The following TMEM132D variants were observed in gnomAD, a reference collection of about 807,000 sequenced individuals.
The protein encoded by TMEM132D is mature OL transmembrane protein.
A neutral mutation model predicts 62.3 loss-of-function variants in TMEM132D; 21 were observed. The ratio of observed to expected loss-of-function variants is 0.34; its 90% confidence interval spans 0.24 to 0.49. TMEM132D has a LOEUF of 0.49. Among genes scored for constraint, TMEM132D ranks in the 20% least tolerant of loss-of-function variants. TMEM132D has a pLI of 0.99. For synonymous variants in TMEM132D, 621 were observed against 575.6 expected (o/e 1.08, Z -1.13); for missense variants, 1,346 against 1,402.8 (o/e 0.96, Z 0.65).
At chr12:129,530,961 C>T in intron 3 of TMEM132D, 98 bp downstream of exon 3, 1 of 1,305,002 alleles carries the variant, frequency 7.7e-7, no homozygotes, top group Non-Finnish European at 1.0e-6. Flanking sequence ...AAATGCAAAC[C>T]ACAGTGGAAA....
At chr12:129,770,931 T>C (rs1870729048) in intron 1 of TMEM132D, among the ~76,000 whole-genome samples, 1 of 152,204 alleles carries the variant, frequency 6.6e-6, no homozygotes, top group Admixed American at 6.5e-5. Context: ...CCGAGGACTG[T>C]CTGTAGTTGT....
intron 1 of TMEM132D, among the ~76,000 whole-genome samples, chr12:129,875,320 G>A (rs1593195322): frequency 6.6e-6 from 1 of 152,206 alleles, no homozygotes; most frequent in East Asian, 1.9e-4. Flanking sequence ...TGCCTCAGGT[G>A]CTATCTGTTC....
intron 4 of TMEM132D, among the ~76,000 whole-genome samples, chr12:129,267,549 A>G (rs1180298888): frequency 6.6e-6 from 1 of 152,228 alleles, no homozygotes; most frequent in Admixed American, 6.5e-5. Flanking sequence ...AAACAAATGG[A>G]AGAACATTCC....
intron 1 of TMEM132D, among the ~76,000 whole-genome samples, chr12:129,833,752 A>G (rs139972003): frequency 1.1e-4 from 17 of 152,272 alleles, no homozygotes; most frequent in African/African-American, 3.9e-4. Context: ...ACCGTCCCCA[A>G]TTTCAGCTCT....
At chr12:129,290,013 G>A (rs1247846586) in intron 4 of TMEM132D, among the ~76,000 whole-genome samples, 1 of 152,186 alleles carries the variant, frequency 6.6e-6, no homozygotes, top group East Asian at 1.9e-4. Flanking sequence ...GAATGGGTCT[G>A]TATTTATTAA....
chr12:129,341,011 C>T lies in TMEM132D; in HGVS notation c.1116-3194G>A, dbSNP rs116024123. ...CTGACAATTTCCTTTATAAATTCTG[C>T]ACATGGTGATCTCGTTGGAATATCT... On this transcript the variant is annotated intron_variant, in intron 3 of 8. Transcript: ENST00000422113. 2.7e-3 allele frequency among the ~76,000 whole-genome samples: 408 copies of T among 152,290 alleles called. 2 individuals carry two copies. Among genetic ancestry groups the T allele is most frequent in the African/African-American group, 9.3e-3 (387 of 41,562 alleles).
intron 2 of TMEM132D, among the ~76,000 whole-genome samples, chr12:129,670,711 CT>C (rs1880482814): frequency 6.6e-6 from 1 of 152,176 alleles, no homozygotes; most frequent in African/African-American, 2.4e-5. Flanking sequence ...TTCAATCCCC[CT>C]GTCTTGATGA....
chr12:129,663,860 T>C (rs1192687595), intron 2 of TMEM132D, among the ~76,000 whole-genome samples: 2 of 152,318 alleles, frequency 1.3e-5, no homozygotes, highest in East Asian at 3.9e-4. Flanking sequence ...CTTCTCCATG[T>C]AATCATGTGG....
intron 5 of TMEM132D, among the ~76,000 whole-genome samples, chr12:129,153,426 C>T (rs528250360): frequency 2.0e-5 from 3 of 151,138 alleles, no homozygotes; most frequent in East Asian, 2.0e-4. Context: ...AAGGTTTTGC[C>T]GTTTCCCCTG....
At chr12:129,676,506 G>A (rs779171800) in intron 2 of TMEM132D, among the ~76,000 whole-genome samples, 1 of 152,140 alleles carries the variant, frequency 6.6e-6, no homozygotes, top group Non-Finnish European at 1.5e-5. Flanking sequence ...TACCAGCATC[G>A]GCTTGGCTTC....
At chr12:129,580,223 GA>G (rs1410326195) in intron 2 of TMEM132D, among the ~76,000 whole-genome samples, 1 of 152,078 alleles carries the variant, frequency 6.6e-6, no homozygotes, top group East Asian at 1.9e-4. Flanking sequence ...TCTTCAAGGT[GA>G]AAAAAACTCG....
Position 129,867,602 on chromosome 12 carries a change from C to T in TMEM132D, c.79+35659G>A, listed in dbSNP as rs1874099839. ...TGAGAGGATAAATCTTCAGTGTTTT[C>T]CTCATAAAAAGAGAAAGTAAAACAA... On this transcript the variant is annotated intron_variant, in intron 1 of 8. Coordinates refer to ENST00000422113, the MANE Select transcript of TMEM132D (RefSeq NM_133448.3). The surrounding 1 kb of genome is among the most constrained non-coding windows in gnomAD (Gnocchi z 4.5). 6.6e-6 allele frequency among the ~76,000 whole-genome samples: 1 copy of T among 152,094 alleles called. No homozygotes were observed. Among genetic ancestry groups the T allele is most frequent in the Non-Finnish European group, 1.5e-5 (1 of 68,018 alleles).
chr12:129,529,169 A>T (rs1235256047), intron 3 of TMEM132D, among the ~76,000 whole-genome samples: 1 of 152,226 alleles, frequency 6.6e-6, no homozygotes, highest in African/African-American at 2.4e-5. Flanking sequence ...AAAAAGATAA[A>T]AAAGGAAACA....
chr12:129,396,453 C>T (rs35655441), intron 3 of TMEM132D, among the ~76,000 whole-genome samples: 5,809 of 152,300 alleles, frequency 0.038, 142 homozygotes, highest in Non-Finnish European at 0.06. Flanking sequence ...ATTTCAAAGT[C>T]ACATCCATAA....
At chr12:129,715,756 T>G (rs1370626498) in intron 1 of TMEM132D, among the ~76,000 whole-genome samples, 2 of 152,256 alleles carry the variant, frequency 1.3e-5, no homozygotes, top group Non-Finnish European at 2.9e-5. Context: ...CTATATGAGA[T>G]TCATGATTTT....
chr12:129,445,030 T>C lies in TMEM132D; in HGVS notation c.1115+86029A>G, dbSNP rs116106272. 4.5e-3 allele frequency among the ~76,000 whole-genome samples: 691 copies of C among 152,310 alleles called. 6 individuals are homozygous for C. Among genetic ancestry groups the C allele is most frequent in the African/African-American group, 0.016 (665 of 41,568 alleles). On this transcript the variant is annotated intron_variant, in intron 3 of 8. Coordinates refer to ENST00000422113, the MANE Select transcript of TMEM132D (RefSeq NM_133448.3). The stretch of plus-strand genomic sequence containing the variant: ...GTTCTATTATAATGACTCATGCACA[T>C]GAATGTTCATTGCAGCACTATTCAC...
At chr12:129,470,462 T>C (rs1299674807) in intron 3 of TMEM132D, among the ~76,000 whole-genome samples, 1 of 152,162 alleles carries the variant, frequency 6.6e-6, no homozygotes, top group East Asian at 1.9e-4. Context: ...GCGCCAGGCA[T>C]ATACTAGGGG....
At chr12:129,781,070 A>G (rs1871105890) in intron 1 of TMEM132D, among the ~76,000 whole-genome samples, 1 of 152,214 alleles carries the variant, frequency 6.6e-6, no homozygotes, top group Admixed American at 6.5e-5. Flanking sequence ...GTGAATGACA[A>G]GGAGTTATGC....
intron 3 of TMEM132D, among the ~76,000 whole-genome samples, chr12:129,394,664 T>C (rs1050034895): frequency 1.7e-4 from 26 of 152,370 alleles, no homozygotes; most frequent in African/African-American, 4.6e-4. Context: ...TCAGCGGGGC[T>C]GGACTGTGCA....
Sources: gnomAD v4.1 joint callset for allele counts (sites outside exome capture counted in the v4.1 genomes callset) on GRCh38, gnomAD v4.1.1 for gene constraint, Gnocchi (gnomAD v3.1) non-coding constraint, MANE v1.5 for transcripts, NCBI Gene and HGNC (gene_info 2026-07-23, HGNC 2026-07-21) for gene names.